EIF2AK4: variants seen among roughly 807,000 people sequenced by gnomAD.
EIF2AK4 encodes the protein eukaryotic translation initiation factor 2 alpha kinase 4.
EIF2AK4 carries 139 observed loss-of-function variants against 211.1 expected under a neutral mutation model. That is an observed-to-expected ratio of 0.66 (90% CI 0.57 to 0.76). The LOEUF is 0.76. Among genes scored for constraint, EIF2AK4 ranks in the 30% least tolerant of loss-of-function variants. EIF2AK4 has a pLI of 0.00. For synonymous variants in EIF2AK4, 710 were observed against 751.3 expected (o/e 0.94, Z 0.90); for missense variants, 1,664 against 2,043.8 (o/e 0.81, Z 3.58).
chr15:39,961,585 A>G (rs1216707938), intron 6 of EIF2AK4, among the ~76,000 whole-genome samples, 199 bp from the exon 7 acceptor site: 1 of 152,164 alleles, frequency 6.6e-6, no homozygotes, highest in African/African-American at 2.4e-5. Flanking sequence ...GGGGAAGTGA[A>G]TGGCTTTCCC....
intron 33 of EIF2AK4, among the ~76,000 whole-genome samples, chr15:40,028,919 T>A (rs912619871): frequency 3.3e-5 from 5 of 152,218 alleles, no homozygotes; most frequent in African/African-American, 1.2e-4. Context: ...AGTGCTGTTG[T>A]CTCTCTCAAA....
intron 3 of EIF2AK4, chr15:39,946,460 A>C (rs2034228440): frequency 1.5e-6 from 1 of 650,498 alleles, no homozygotes; most frequent in Non-Finnish European, 2.8e-6. Flanking sequence ...AAACTTTAAC[A>C]GATGATTAGT....
In EIF2AK4 at chr15:40,011,301, A is replaced by G. The variant is rs2035232510; in HGVS notation, c.3714A>G (p.Arg1238=). 6.2e-7 allele frequency: 1 copy of G among 1,613,886 alleles called. No individual in the cohort carries two copies. Among genetic ancestry groups the G allele is most frequent in the South Asian group, 1.1e-5 (1 of 91,020 alleles). The change falls in exon 27 of 39, where the codon AGA becomes AGG. Residue 1238 remains arginine (R), a synonymous_variant. Transcript: ENST00000263791. ...YDAVTEKLTR[R]EVEAKFCNLS... ...GTTAGACAGAGAAGCTGACGAGGAGAGAAGTGGAAGCTAAATTTTGTAATC... is the reference window on the plus strand; with the variant it reads ...GTTAGACAGAGAAGCTGACGAGGAGGGAAGTGGAAGCTAAATTTTGTAATC...
chr15:40,028,172 A>T (rs1029679067), intron 33 of EIF2AK4, among the ~76,000 whole-genome samples: 1 of 151,618 alleles, frequency 6.6e-6, no homozygotes, highest in African/African-American at 2.4e-5. Context: ...TCCCAGGCTC[A>T]GGTGATCCTT....
intron 4 of EIF2AK4, chr15:39,951,596 C>A: frequency 6.7e-6 from 2 of 298,104 alleles, no homozygotes; most frequent in South Asian, 3.0e-5. Context: ...GTTTGCAAAT[C>A]AGTTCAGTGG....
chr15:40,025,188 C>G (rs1168372663), intron 32 of EIF2AK4, among the ~76,000 whole-genome samples: 1 of 152,170 alleles, frequency 6.6e-6, no homozygotes, highest in Admixed American at 6.5e-5. Flanking sequence ...TGGTACAACC[C>G]TGAATAGTCT....
Position 39,967,430 on chromosome 15 carries a change from G to A in EIF2AK4, c.1104G>A (p.Glu368=), listed in dbSNP as rs754452654. ...VVRYLAMNLK[E]QDDSIVVDIL... Reference sequence around the variant, plus strand: ...GCTACCTTGCAATGAATCTCAAAGAGCAAGACGACTCCATCGTGGTGGACA... The same window carrying A: ...GCTACCTTGCAATGAATCTCAAAGAACAAGACGACTCCATCGTGGTGGACA... The change falls in exon 9 of 39, where the codon GAG becomes GAA. Residue 368 remains glutamate (E), a synonymous_variant. Transcript: ENST00000263791. 12 of 1,613,568 alleles carry A rather than the reference G, an allele frequency of 7.4e-6. No individual in the cohort carries two copies. The South Asian group carries it at 1.3e-4, about 18-fold the overall frequency.
intron 19 of EIF2AK4, among the ~76,000 whole-genome samples, chr15:39,998,308 A>G (rs1181302639): frequency 2.4e-5 from 3 of 125,150 alleles, no homozygotes; most frequent in African/African-American, 8.5e-5. Context: ...TGCATGTTTA[A>G]TTAAACTACT....
intron 11 of EIF2AK4, chr15:39,973,961 T>C (rs908029442): frequency 9.1e-6 from 4 of 441,646 alleles, no homozygotes; most frequent in Non-Finnish European, 1.2e-5. Context: ...CTTTCCTTGC[T>C]TCATGTGGAG....
Position 39,967,534 on chromosome 15 carries a change from G to T in EIF2AK4, c.1208G>T (p.Arg403Leu). The T allele has an allele frequency of 6.2e-7, 1 of 1,613,878 alleles. No homozygotes were observed. The highest frequency in any genetic ancestry group is 8.5e-7 in the Non-Finnish European group (1 of 1,179,940). Reference sequence around the variant, plus strand: ...GGCCCCATCCCTGTGCATCAGCTTCGCAGGTACACAGCTCAGCTCCTGTCA... The same window carrying T: ...GGCCCCATCCCTGTGCATCAGCTTCTCAGGTACACAGCTCAGCTCCTGTCA... The part of the protein sequence containing the change: ...HSGPIPVHQL[R>L]RYTAQLLSGL... Residue 403 changes from arginine to leucine, a missense_variant, in exon 9 of 39, where the codon CGC becomes CTC. Physicochemically the swap from Arg to Leu is moderately radical, Grantham distance 102. Coordinates refer to ENST00000263791, the MANE Select transcript of EIF2AK4 (RefSeq NM_001013703.4).
chr15:40,013,322 G>A (rs376808871), intron 27 of EIF2AK4, among the ~76,000 whole-genome samples: 81 of 151,824 alleles, frequency 5.3e-4, no homozygotes, highest in African/African-American at 1.6e-3. Context: ...TTTTTATAGC[G>A]GGATAGCAGG....
intron 11 of EIF2AK4, 81 bp downstream of exon 11, chr15:39,973,830 T>C (rs1462360079): frequency 6.6e-7 from 1 of 1,526,534 alleles, no homozygotes; most frequent in South Asian, 1.2e-5. Flanking sequence ...ACTTTACTTT[T>C]ATTTTGGGAG....
chr15:39,936,659 C>T (rs1301927766), intron 1 of EIF2AK4, among the ~76,000 whole-genome samples: 1 of 152,136 alleles, frequency 6.6e-6, no homozygotes, highest in Non-Finnish European at 1.5e-5. Context: ...GTCCTCCCGC[C>T]TCGCCTCCCA....
At chr15:39,989,658 T>G (rs1486137640) in intron 15 of EIF2AK4, among the ~76,000 whole-genome samples, 1 of 152,228 alleles carries the variant, frequency 6.6e-6, no homozygotes, top group Non-Finnish European at 1.5e-5. Flanking sequence ...ACCCAGAATT[T>G]ACCTTCATGT....
At chr15:39,936,133 T>C (rs1240768730) in intron 1 of EIF2AK4, among the ~76,000 whole-genome samples, 1 of 152,212 alleles carries the variant, frequency 6.6e-6, no homozygotes. Context: ...CAACTTCTTT[T>C]AGGTAGGGAT....
intron 3 of EIF2AK4, chr15:39,946,457 A>T (rs1349770191): frequency 1.2e-5 from 8 of 647,492 alleles, no homozygotes; most frequent in Middle Eastern, 4.9e-4. Flanking sequence ...ATAAAACTTT[A>T]ACAGATGATT....
chr15:39,939,557 G>C lies in EIF2AK4; in HGVS notation c.197G>C (p.Gly66Ala). Reference sequence around the variant, plus strand: ...GTTTTGTACCCTCAAGGCCTAACTGGTGAAGAAGTATATGTAAAAGTGGAT... The same window carrying C: ...GTTTTGTACCCTCAAGGCCTAACTGCTGAAGAAGTATATGTAAAAGTGGAT... Reference protein sequence around the residue: ...NLVLYPQGLTGEEVYVKVDLR... With the variant: ...NLVLYPQGLTAEEVYVKVDLR... The change falls in exon 2 of 39, where the codon GGT (glycine) becomes GCT (alanine). Residue 66 changes from glycine to alanine, a missense_variant. By Grantham distance (60) the Gly-to-Ala change is moderately conservative (BLOSUM62 0). This residue lies in a region of EIF2AK4 where 641 missense variants were observed against 729.6 expected (regional missense o/e 0.88). Coordinates refer to ENST00000263791, the MANE Select transcript of EIF2AK4 (RefSeq NM_001013703.4). 6.2e-7 allele frequency: 1 copy of C among 1,613,036 alleles called. No individual in the cohort carries two copies. Among genetic ancestry groups the C allele is most frequent in the Non-Finnish European group, 8.5e-7 (1 of 1,179,370 alleles).
In EIF2AK4 at chr15:40,002,748, G is replaced by GC. The variant is rs760583228; in HGVS notation, c.3196dup (p.His1066ProfsTer4). 1 of 1,614,206 alleles carries GC rather than the reference G, an allele frequency of 6.2e-7. No individual in the cohort carries two copies. The highest frequency in any genetic ancestry group is 8.5e-7 in the Non-Finnish European group (1 of 1,180,032). ...CAATCCGTACAGCCAAGATGCAGCA[G>GC]CATGTGTGTGAAACCATCATCCGCA... On this transcript the variant is annotated frameshift_variant, in exon 22 of 39. Coordinates refer to ENST00000263791, the MANE Select transcript of EIF2AK4 (RefSeq NM_001013703.4). LOFTEE classifies it high-confidence loss of function.
chr15:39,955,691 G>A lies in EIF2AK4; in HGVS notation c.666G>A (p.Thr222=), dbSNP rs753557663. Residue 222 remains threonine, a synonymous_variant, in exon 6 of 39, where the codon ACG becomes ACA. Transcript: ENST00000263791. ...TSKKDPGGHR[T]AAILHGGSPD... The stretch of plus-strand genomic sequence containing the variant: ...AGAAGGACCCAGGAGGACACAGAAC[G>A]GCTGCCATTCTACATGGAGGCTCTC... 1.1e-5 allele frequency: 17 copies of A among 1,613,138 alleles called. No individual in the cohort carries two copies. The South Asian group carries it at 1.1e-4, about 10-fold the overall frequency.
Sources: allele counts gnomAD v4.1 joint callset (sites outside exome capture counted in the v4.1 genomes callset), GRCh38; gene constraint gnomAD v4.1.1; regional missense constraint gnomAD v4.1.1; transcripts MANE v1.5; gene names NCBI Gene and HGNC (gene_info 2026-07-23, HGNC 2026-07-21).